The following ZNF442 variants were observed in gnomAD, a reference collection of about 807,000 sequenced individuals.
ZNF442 encodes the protein zinc finger protein 442.
In ZNF442, 45 loss-of-function variants were observed where a neutral mutation model predicts 57.0. That is an observed-to-expected ratio of 0.79 (90% CI 0.62 to 1.01). The LOEUF (loss-of-function observed/expected upper bound fraction) is 1.01. ZNF442 is among the 50% of genes least tolerant of loss of function. The pLI, the probability that ZNF442 is intolerant of heterozygous loss-of-function variation, is 0.00. For synonymous variants in ZNF442, 213 were observed against 241.8 expected, an observed-to-expected ratio of 0.88 and a Z score of 1.10; for missense variants, 690 against 756.5, an observed-to-expected ratio of 0.91 and a Z score of 1.03.
rs1448846605 is a variant in ZNF442 at position 12,350,084 on chromosome 19, T to G, written c.1501A>C (p.Thr501Pro). Residue 501 changes from threonine to proline, a missense_variant, in exon 6 of 6, where the codon ACA (threonine) becomes CCA (proline). Thr to Pro is a conservative substitution (Grantham distance 38). Coordinates refer to ENST00000242804, the MANE Select transcript of ZNF442 (RefSeq NM_030824.3). Reference protein sequence around the residue: ...KECGKAFSCFTYLSQHRRTHM... With the variant: ...KECGKAFSCFPYLSQHRRTHM... ...GTCCTTCTATGTTGAGAAAGGTATGTGAAACAACTGAATGCTTTCCCACAT... is the reference window on the plus strand; with the variant it reads ...GTCCTTCTATGTTGAGAAAGGTATGGGAAACAACTGAATGCTTTCCCACAT... The G allele has an allele frequency of 6.2e-6, 10 of 1,614,058 alleles. No individual in the cohort carries two copies. The highest frequency in any genetic ancestry group is 8.5e-6 in the Non-Finnish European group (10 of 1,179,976).
chr19:12,364,508 G>A (rs1969498497), intron 2 of ZNF442, among the ~76,000 whole-genome samples: 1 of 152,088 alleles, frequency 6.6e-6, no homozygotes, highest in South Asian at 2.1e-4. Context: ...TAGCACGGGT[G>A]GGGCGGAGGA....
At chr19:12,371,891 C>G in the ZNF442 span, among the ~76,000 whole-genome samples, 47,990 of 152,028 alleles carry the variant, frequency 0.32, 8,637 homozygotes, top group African/African-American at 0.5. Context: ...AACAGGCAAA[C>G]ATTTCATGGC....
chr19:12,372,051 C>T, the ZNF442 span, among the ~76,000 whole-genome samples: 1 of 152,098 alleles, frequency 6.6e-6, no homozygotes, highest in African/African-American at 2.4e-5. Flanking sequence ...ATACATCTGA[C>T]AAAGGTCTAA....
At chr19:12,372,703 A>G in the ZNF442 span, among the ~76,000 whole-genome samples, 1 of 152,180 alleles carries the variant, frequency 6.6e-6, no homozygotes, top group Admixed American at 6.5e-5. Context: ...AAGACAATAG[A>G]GTTACACCTT....
At chr19:12,357,221 T>C (rs1969344825) in intron 3 of ZNF442, among the ~76,000 whole-genome samples, 1 of 152,200 alleles carries the variant, frequency 6.6e-6, no homozygotes, top group Non-Finnish European at 1.5e-5. Flanking sequence ...ATTTTAGTTC[T>C]ATTTTTTTTG....
rs1969186407 is a variant in ZNF442, at chr19:12,349,844, A to C, written c.1741T>G (p.Phe581Val). 5.0e-6 allele frequency: 8 copies of C among 1,613,936 alleles called. No individual in the cohort carries two copies. Among genetic ancestry groups the C allele is most frequent in the Non-Finnish European group, 6.8e-6 (8 of 1,179,982 alleles). ...SYECQQCGKA[F>V]TRSRFLRGHE... ...CCTCGAAGGAAACGAGAACGAGTGA[A>C]GGCTTTACCACATTGTTGACATTCA... is the stretch of plus-strand genomic sequence containing the variant. The change falls in exon 6 of 6, where the codon TTC becomes GTC. Residue 581 changes from phenylalanine to valine, a missense_variant. Phe to Val is a conservative substitution (Grantham distance 50, BLOSUM62 -1). Coordinates refer to ENST00000242804, the MANE Select transcript of ZNF442 (RefSeq NM_030824.3).
intron 3 of ZNF442, among the ~76,000 whole-genome samples, chr19:12,362,886 A>G (rs529938747): frequency 0.011 from 1,458 of 137,662 alleles, 29 homozygotes; most frequent in African/African-American, 0.039. Context: ...CTGCCTTGGG[A>G]AAAAAAAAAA....
Position 12,363,596 on chromosome 19 carries a change from G to A in ZNF442, c.36C>T (p.Leu12=), listed in dbSNP as rs1278300181. Residue 12 remains leucine (L), a synonymous_variant, in exon 3 of 6, where the codon CTC becomes CTT. Transcript: ENST00000242804. ...IVFGGEDRSD[L]FLPDSQTNEE... ...CATTAGTCTGAGAGTCAGGAAGGAA[G>A]AGATCACTTCTGTCTTCTCCCCCAA... 6.2e-7 allele frequency: 1 copy of A among 1,614,094 alleles called. No homozygotes were observed. The highest frequency in any genetic ancestry group is 1.3e-5 in the African/African-American group (1 of 74,938).
In ZNF442 at chr19:12,349,977, C is replaced by T; in HGVS notation, c.1608G>A (p.Arg536=). The T allele has an allele frequency of 1.2e-6, 2 of 1,613,760 alleles. No individual in the cohort carries two copies. The highest frequency in any genetic ancestry group is 1.7e-6 in the Non-Finnish European group (2 of 1,179,902). The change falls in exon 6 of 6, where the codon AGG becomes AGA. Residue 536 remains arginine (R), a synonymous_variant. Transcript: ENST00000242804. ...SHFGNLKVHE[R]IHTGEKPYEC... ...CATATGGCTTCTCTCCAGTGTGAAT[C>T]CTTTCATGGACTTTTAAGTTACCAA...
intron 4 of ZNF442, 139 bp from the exon 5 acceptor site, chr19:12,352,209 C>T (rs539888130): frequency 2.6e-5 from 18 of 693,442 alleles, no homozygotes; most frequent in Non-Finnish European, 3.7e-5. Context: ...GTTTGTACCT[C>T]GTAAGTCCAC....
intron 3 of ZNF442, among the ~76,000 whole-genome samples, chr19:12,362,763 T>G (rs12977116): frequency 0.27 from 40,200 of 150,318 alleles, 5,343 homozygotes; most frequent in Middle Eastern, 0.33. Flanking sequence ...TTTTGTCGAG[T>G]GGAAGTGGGG....
At chr19:12,363,746 C>A in intron 2 of ZNF442, 75 bp from the exon 3 acceptor site, 1 of 896,628 alleles carries the variant, frequency 1.1e-6, no homozygotes, top group Non-Finnish European at 1.8e-6. Context: ...GAATATTCCT[C>A]CCATCCCACC....
At position 12,346,034 on chromosome 19, in the gene ZNF442, AC is replaced by A. The variant is rs1969125772; in HGVS notation, c.*3666del. On this transcript the variant is annotated 3_prime_UTR_variant, in exon 6 of 6. Coordinates refer to ENST00000242804, the MANE Select transcript of ZNF442 (RefSeq NM_030824.3). ...AAACTGGACTACATCGAAATTAAAA[AC>A]TTTTGCGCACCAAAGGACAATCTCA... 1 of 152,156 alleles carries A rather than the reference AC, an allele frequency of 6.6e-6. No individual in the cohort carries two copies. Among genetic ancestry groups the A allele is most frequent in the African/African-American group, 2.4e-5 (1 of 41,446 alleles). The allele number at this position is 152,156 out of a possible 1,614,324, so 9.4% of individuals were successfully genotyped here.
chr19:12,365,515 CG>C lies in ZNF442; in HGVS notation c.-483+17del. 1.8e-6 allele frequency: 1 copy of C among 565,794 alleles called. No individual in the cohort carries two copies. The allele number at this position is 565,794 out of a possible 1,614,324, so 35.0% of individuals were successfully genotyped here. ...AGTCCTTCGCCCTGCCCCAGGACGC[CG>C]GGCCCCGCACACTCACCATTTCCCG... On this transcript the variant is annotated intron_variant, in intron 1 of 5. Transcript: ENST00000242804.
chr19:12,351,869 T>A, intron 5 of ZNF442, 141 bp downstream of exon 5: 1 of 652,810 alleles, frequency 1.5e-6, no homozygotes. Context: ...CACATTTAAG[T>A]ATATGTTTCT....
chr19:12,364,302 G>C (rs1431246376), intron 2 of ZNF442, among the ~76,000 whole-genome samples: 4 of 151,690 alleles, frequency 2.6e-5, no homozygotes, highest in East Asian at 3.9e-4. Flanking sequence ...AGCTACTCGG[G>C]AGGGTGAGAC....
chr19:12,372,775 T>C, the ZNF442 span, among the ~76,000 whole-genome samples: 1 of 152,194 alleles, frequency 6.6e-6, no homozygotes, highest in Admixed American at 6.5e-5. Context: ...AATTTGGATG[T>C]GAGTTTTCTT....
At chr19:12,373,771 A>G in the ZNF442 span, 8,048 of 181,238 alleles carry the variant, frequency 0.044, 279 homozygotes, top group Non-Finnish European at 0.068. Context: ...CACCTACCCA[A>G]TGAAAAACCA....
chr19:12,368,134 G>A (rs1220775317), upstream of ZNF442, among the ~76,000 whole-genome samples: 4 of 152,066 alleles, frequency 2.6e-5, no homozygotes, highest in Admixed American at 1.3e-4. Flanking sequence ...CCAGAAAATC[G>A]CTGTTATTCT....
Sources: gnomAD v4.1 joint callset for allele counts (sites outside exome capture counted in the v4.1 genomes callset) on GRCh38, gnomAD v4.1.1 for gene constraint, MANE v1.5 for transcripts, NCBI Gene and HGNC (gene_info 2026-07-23, HGNC 2026-07-21) for gene names.